The following ACADM variants were observed in gnomAD, a reference collection of about 807,000 sequenced individuals.
ACADM encodes medium-chain specific acyl-CoA dehydrogenase, mitochondrial.
Under a neutral mutation model 58.9 loss-of-function variants are expected in ACADM, and 49 were observed. That is an observed-to-expected ratio of 0.83 (90% CI 0.66 to 1.06). ACADM has a LOEUF of 1.06. Ranked by LOEUF, ACADM falls within the 50% of genes least tolerant of loss-of-function variation. The pLI is 0.00. For synonymous variants in ACADM, 160 were observed against 157.7 expected (o/e 1.01, Z -0.11); for missense variants, 496 against 507.0 (o/e 0.98, Z 0.21).
At chr1:75,738,311 C>T (rs1647384099) in intron 6 of ACADM, among the ~76,000 whole-genome samples, 1 of 152,054 alleles carries the variant, frequency 6.6e-6, no homozygotes, top group Non-Finnish European at 1.5e-5. Flanking sequence ...GCAACCTCCA[C>T]CTCCCAGGTT....
At chr1:75,732,543 G>T in intron 2 of ACADM, 101 bp from the exon 3 acceptor site, 1 of 958,354 alleles carries the variant, frequency 1.0e-6, no homozygotes, top group South Asian at 1.3e-5. Context: ...GATAATCAAG[G>T]ATTTAAGTCC....
At chr1:75,757,831 C>G (rs951013927) in intron 10 of ACADM, among the ~76,000 whole-genome samples, 10 of 152,206 alleles carry the variant, frequency 6.6e-5, no homozygotes, top group African/African-American at 2.2e-4. Flanking sequence ...AGTTCTGACA[C>G]TACCTACCCA....
At chr1:75,740,240 T>C in intron 7 of ACADM, 130 bp downstream of exon 7, 9 of 869,180 alleles carry the variant, frequency 1.0e-5, no homozygotes, top group Non-Finnish European at 1.6e-5. Context: ...CTAAAGGAGA[T>C]TATAAACAGT....
At chr1:75,743,847 T>C (rs1476000474) in intron 7 of ACADM, 1 of 1,406,686 alleles carries the variant, frequency 7.1e-7, no homozygotes, top group Non-Finnish European at 1.0e-6. Flanking sequence ...AATCCCTATA[T>C]ACCACCTCTT....
chr1:75,734,049 G>A (rs552690448), intron 5 of ACADM, among the ~76,000 whole-genome samples: 1 of 152,008 alleles, frequency 6.6e-6, no homozygotes, highest in African/African-American at 2.4e-5. Flanking sequence ...GTAGTAGCGC[G>A]ATCTTGGCTC....
rs1349638092 is a variant in ACADM at position 75,728,400 on chromosome 1, G to A, written c.31-1G>A. 1.2e-6 allele frequency: 2 copies of A among 1,610,636 alleles called. No individual in the cohort carries two copies. Among genetic ancestry groups the A allele is most frequent in the Non-Finnish European group, 1.7e-6 (2 of 1,177,778 alleles). On this transcript the variant is annotated splice_acceptor_variant, in intron 1 of 11. Transcript: ENST00000370841. LOFTEE classifies it high-confidence loss of function. ...TATTTTAATAAAAGTGTTCTTTACA[G>A]GTCCTGAGAAGTATTTCTCGTTTTC... is the stretch of plus-strand genomic sequence containing the variant.
In ACADM at chr1:75,752,040, G is replaced by A. The variant is rs116922086; in HGVS notation, c.945+1494G>A. Among the ~76,000 whole-genome samples the A allele has an allele frequency of 2.7e-5, 4 of 148,936 alleles. No individual in the cohort carries two copies. In the East Asian group the frequency reaches 7.9e-4, roughly 29 times the overall value. On this transcript the variant is annotated intron_variant, in intron 10 of 11. Coordinates refer to ENST00000370841, the MANE Select transcript of ACADM (RefSeq NM_000016.6). ...CAGGGTCTTGGTTGCCCAAATGCGA[G>A]TGCAATGGTGCAGTCATGGCTTATT...
rs139457557 is a variant in ACADM, at chr1:75,745,872, C to A, written c.666C>A (p.Phe222Leu). ...CTGCTAATAAAGCCTTTACTGGATT[C>A]ATTGTGGAAGCAGATACCCCAGGAA... Reference protein sequence around the residue: ...KAPANKAFTGFIVEADTPGIQ... With the variant: ...KAPANKAFTGLIVEADTPGIQ... The change falls in exon 8 of 12, where the codon TTC (phenylalanine) becomes TTA (leucine). Residue 222 changes from phenylalanine (F) to leucine (L), a missense_variant. Physicochemically the swap from Phe to Leu is conservative, Grantham distance 22 (BLOSUM62 0). Transcript: ENST00000370841. 8.4e-5 allele frequency: 136 copies of A among 1,613,814 alleles called. 1 individual carries two copies. The African/African-American group carries it at 1.6e-3, about 19-fold the overall frequency.
chr1:75,724,799 G>C lies in ACADM; in HGVS notation c.12G>C (p.Gly4=), dbSNP rs757845443. ...GAACGGGAGCCAACATGGCAGCGGGGTTCGGGCGATGCTGCAGGGTGAGAG... is the reference window on the plus strand; with the variant it reads ...GAACGGGAGCCAACATGGCAGCGGGCTTCGGGCGATGCTGCAGGGTGAGAG... The part of the protein sequence containing the change: MAA[G]FGRCCRVLRS... Residue 4 remains glycine, a synonymous_variant, in exon 1 of 12, where the codon GGG becomes GGC. Transcript: ENST00000370841. 5.3e-6 allele frequency: 8 copies of C among 1,521,902 alleles called. No homozygotes were observed. The highest frequency in any genetic ancestry group is 4.3e-5 in the African/African-American group (3 of 69,944). The allele number at this position is 1,521,902 out of a possible 1,614,324, so 94.3% of individuals were successfully genotyped here.
chr1:75,744,342 T>G, intron 7 of ACADM: 7 of 1,609,536 alleles, frequency 4.3e-6, no homozygotes, highest in Non-Finnish European at 6.0e-6. Context: ...CAGCACCAGT[T>G]TTCCTGAGTG....
chr1:75,746,629 C>T (rs528351987), intron 8 of ACADM, among the ~76,000 whole-genome samples: 2 of 146,118 alleles, frequency 1.4e-5, no homozygotes, highest in Non-Finnish European at 3.0e-5. Flanking sequence ...GACAGCGTCT[C>T]GCTCTGTTGC....
At position 75,724,743 on chromosome 1, in the gene ACADM, C is replaced by G. The variant is rs747721183; in HGVS notation, c.-45C>G. On this transcript the variant is annotated 5_prime_UTR_variant, in exon 1 of 12. Transcript: ENST00000370841. ...CCGCGTTCGGGGAGTATGTCAAGGCCGTGACCCGTGTATTATTGTCCGAGT... is the reference window on the plus strand; with the variant it reads ...CCGCGTTCGGGGAGTATGTCAAGGCGGTGACCCGTGTATTATTGTCCGAGT... 1.3e-6 allele frequency: 2 copies of G among 1,541,988 alleles called. No homozygotes were observed. Among genetic ancestry groups the G allele is most frequent in the Admixed American group, 2.0e-5 (1 of 50,578 alleles).
intron 6 of ACADM, among the ~76,000 whole-genome samples, chr1:75,737,311 T>TATATATATATATATATATAC (rs1557448531): frequency 9.9e-6 from 1 of 101,308 alleles, no homozygotes; most frequent in Non-Finnish European, 2.1e-5. Context: ...TATATATATA[T>TATATATATATATATATATAC]ATATATATAT....
Position 75,734,858 on chromosome 1 carries a change from A to T in ACADM, c.455A>T (p.Glu152Val), listed in dbSNP as rs2100371140. The change falls in exon 6 of 12, where the codon GAG becomes GTG. Residue 152 changes from glutamate (E) to valine (V), a missense_variant. Glu to Val is a moderately radical substitution (Grantham distance 121). Transcript: ENST00000370841. ...KKKYLGRMTE[E>V]PLMCAYCVTE... ...AAGTATTTGGGGAGAATGACTGAGG[A>T]GCCATTGATGTGTGTGAGTATGTGT... is the stretch of plus-strand genomic sequence containing the variant. The T allele has an allele frequency of 6.2e-7, 1 of 1,613,324 alleles. No homozygotes were observed. Among genetic ancestry groups the T allele is most frequent in the Non-Finnish European group, 8.5e-7 (1 of 1,179,300 alleles).
chr1:75,757,058 C>A (rs1480735194), intron 10 of ACADM, among the ~76,000 whole-genome samples: 1 of 152,158 alleles, frequency 6.6e-6, no homozygotes, highest in Non-Finnish European at 1.5e-5. Context: ...AAAATTAATT[C>A]AAGATGGATT....
intron 7 of ACADM, chr1:75,743,732 C>T: frequency 6.5e-7 from 1 of 1,530,146 alleles, no homozygotes; most frequent in South Asian, 1.1e-5. Flanking sequence ...TCTCCCAGTT[C>T]AGTGATGGTC....
intron 8 of ACADM, among the ~76,000 whole-genome samples, chr1:75,746,116 AG>A (rs1253339478): frequency 6.6e-6 from 1 of 152,250 alleles, no homozygotes; most frequent in East Asian, 1.9e-4. Context: ...TTGAAAGAGT[AG>A]TACCAACCTG....
chr1:75,760,785 T>C (rs910383296), intron 10 of ACADM, among the ~76,000 whole-genome samples: 1 of 152,166 alleles, frequency 6.6e-6, no homozygotes, highest in Non-Finnish European at 1.5e-5. Flanking sequence ...GCTTATAGTT[T>C]AGTTGTTAAT....
intron 2 of ACADM, among the ~76,000 whole-genome samples, chr1:75,730,610 G>C (rs929727728): frequency 6.6e-6 from 1 of 151,422 alleles, no homozygotes; most frequent in Admixed American, 6.6e-5. Context: ...TTGACCTCTG[G>C]GGCTCCATGG....
Sources: allele counts gnomAD v4.1 joint callset (sites outside exome capture counted in the v4.1 genomes callset), GRCh38; gene constraint gnomAD v4.1.1; transcripts MANE v1.5; gene names NCBI Gene and HGNC (gene_info 2026-07-23, HGNC 2026-07-21).